The following SOBP variants were observed in gnomAD, a reference collection of about 807,000 sequenced individuals.
The protein encoded by SOBP is sine oculis binding protein homolog.
SOBP carries 4 observed loss-of-function variants against 53.6 expected under a neutral mutation model. That is an observed-to-expected ratio of 0.07 (90% CI 0.04 to 0.17). SOBP has a LOEUF of 0.17. SOBP is among the 10% of genes least tolerant of loss of function. SOBP has a pLI of 1.00. For synonymous variants in SOBP, 584 were observed against 522.6 expected (o/e 1.12, Z -1.60); for missense variants, 1,088 against 1,204.7 (o/e 0.90, Z 1.43).
At chr6:107,506,873 T>C (rs1236348075) in intron 3 of SOBP, among the ~76,000 whole-genome samples, 1 of 151,762 alleles carries the variant, frequency 6.6e-6, no homozygotes, top group Admixed American at 6.6e-5. Context: ...CTGGCCAACA[T>C]GATGAAACCC....
chr6:107,507,335 C>T (rs9486633), intron 3 of SOBP, among the ~76,000 whole-genome samples: 183 of 152,046 alleles, frequency 1.2e-3, no homozygotes, highest in African/African-American at 4.1e-3. Context: ...GACAGAGTTT[C>T]GCTCTTCTCA....
Position 107,633,755 on chromosome 6 carries a change from T to C in SOBP, c.911T>C (p.Leu304Pro), listed in dbSNP as rs1770822153. ...ACTCCAGACTCTTGGAATATCCCGCTAACAGATGCTCGGAGGAAGGCCCCC... is the reference window on the plus strand; with the variant it reads ...ACTCCAGACTCTTGGAATATCCCGCCAACAGATGCTCGGAGGAAGGCCCCC... Reference protein sequence around the residue: ...LLTPDSWNIPLTDARRKAPSP... With the variant: ...LLTPDSWNIPPTDARRKAPSP... Residue 304 changes from leucine to proline, a missense_variant, in exon 6 of 7, where the codon CTA becomes CCA. Transcript: ENST00000317357. The C allele has an allele frequency of 6.2e-7, 1 of 1,614,222 alleles. No homozygotes were observed. Among genetic ancestry groups the C allele is most frequent in the Non-Finnish European group, 8.5e-7 (1 of 1,180,044 alleles).
intron 6 of SOBP, among the ~76,000 whole-genome samples, chr6:107,637,234 AGCACAGCACTTGCTGT>A (rs1391882364): frequency 6.6e-6 from 1 of 152,212 alleles, no homozygotes; most frequent in African/African-American, 2.4e-5. Flanking sequence ...ACAAACGTGG[AGCACAGCACTTGCTGT>A]GGTGTGTCCA....
chr6:107,547,516 G>T (rs1019446815), intron 4 of SOBP, among the ~76,000 whole-genome samples: 18 of 152,252 alleles, frequency 1.2e-4, no homozygotes, highest in South Asian at 4.1e-4. Context: ...TGACACAGAG[G>T]ATTAAATGTG....
At position 107,492,327 on chromosome 6, in the gene SOBP, G is replaced by C. The variant is rs138047510; in HGVS notation, c.96+1615G>C. ...TCATTTTAGGTTGGGGGTGGGGAAG[G>C]GGGAGAGAGGTGAAAGCCACTAGGA... is the stretch of plus-strand genomic sequence containing the variant. On this transcript the variant is annotated intron_variant, in intron 1 of 6. Transcript: ENST00000317357. Among the ~76,000 whole-genome samples the C allele has an allele frequency of 3.7e-3, 557 of 152,256 alleles. 3 individuals carry two copies. The highest frequency in any genetic ancestry group is 9.6e-3 in the African/African-American group (397 of 41,530).
chr6:107,516,915 A>G (rs2114964915), intron 3 of SOBP, among the ~76,000 whole-genome samples: 1 of 152,328 alleles, frequency 6.6e-6, no homozygotes, highest in East Asian at 1.9e-4. Context: ...TTAGAGACTA[A>G]ATATTGTAAA....
At chr6:107,656,317 A>AGAC (rs1562131023) in intron 6 of SOBP, among the ~76,000 whole-genome samples, 99 of 39,516 alleles carry the variant, frequency 2.5e-3, no homozygotes, top group Non-Finnish European at 6.1e-3. Flanking sequence ...GAAAGAAAGA[A>AGAC]AGAAAGAAAG....
intron 3 of SOBP, among the ~76,000 whole-genome samples, chr6:107,527,593 C>A (rs1052962987): frequency 6.6e-6 from 1 of 152,132 alleles, no homozygotes; most frequent in Non-Finnish European, 1.5e-5. Flanking sequence ...CATATTTAAT[C>A]GTATTTGATC....
intron 3 of SOBP, among the ~76,000 whole-genome samples, chr6:107,528,417 A>G (rs6568481): frequency 0.93 from 141,349 of 152,216 alleles, 65,935 homozygotes; most frequent in Non-Finnish European, 0.97. Context: ...GAGAAGGCTG[A>G]CAAGAGTATT....
chr6:107,504,107 C>T (rs1782916350), intron 2 of SOBP, among the ~76,000 whole-genome samples: 1 of 152,200 alleles, frequency 6.6e-6, no homozygotes, highest in African/African-American at 2.4e-5. Context: ...ACTAGAGTTT[C>T]CTGATCACTT....
chr6:107,551,631 G>A (rs544456390), intron 4 of SOBP, among the ~76,000 whole-genome samples: 47 of 152,314 alleles, frequency 3.1e-4, no homozygotes, highest in Middle Eastern at 3.4e-3. Context: ...CAGGGCATAT[G>A]TATTTAAAAC....
chr6:107,531,059 C>A (rs1355767364), intron 3 of SOBP, among the ~76,000 whole-genome samples: 2 of 152,250 alleles, frequency 1.3e-5, no homozygotes, highest in Non-Finnish European at 2.9e-5. Context: ...GTCCAAGCTG[C>A]AAGCTAAGCG....
At chr6:107,647,875 G>C (rs1771627336) in intron 6 of SOBP, among the ~76,000 whole-genome samples, 1 of 152,156 alleles carries the variant, frequency 6.6e-6, no homozygotes, top group South Asian at 2.1e-4. Context: ...GGTTGTGCCT[G>C]AACATCTAGG....
At chr6:107,612,577 G>A (rs1367088347) in intron 5 of SOBP, among the ~76,000 whole-genome samples, 2 of 152,132 alleles carry the variant, frequency 1.3e-5, no homozygotes, top group East Asian at 3.8e-4. Context: ...CCAGGAATCT[G>A]TGGGCTAATT....
At chr6:107,493,085 C>A (rs750208768) in intron 1 of SOBP, among the ~76,000 whole-genome samples, 7 of 151,978 alleles carry the variant, frequency 4.6e-5, no homozygotes, top group Non-Finnish European at 1.0e-4. Flanking sequence ...AAAACCCCTC[C>A]CCAAACATCA....
intron 5 of SOBP, among the ~76,000 whole-genome samples, chr6:107,596,048 C>T (rs1362770371): frequency 5.9e-5 from 9 of 152,148 alleles, no homozygotes; most frequent in Admixed American, 5.9e-4. Context: ...TGCCAGAGTA[C>T]AGTACTCATT....
chr6:107,528,767 G>T (rs1041418581), intron 3 of SOBP, among the ~76,000 whole-genome samples: 1 of 152,214 alleles, frequency 6.6e-6, no homozygotes, highest in Non-Finnish European at 1.5e-5. Flanking sequence ...AGAGAGGTCT[G>T]TGAGGATGGT....
chr6:107,524,386 T>C (rs1361619299), intron 3 of SOBP, among the ~76,000 whole-genome samples: 1 of 152,196 alleles, frequency 6.6e-6, no homozygotes, highest in Non-Finnish European at 1.5e-5. Context: ...ACATCTTAGA[T>C]TGCTCAGAGG....
rs531777834 is a variant in SOBP, at chr6:107,637,187, G to A, written c.*3+1718G>A. 3.3e-5 allele frequency among the ~76,000 whole-genome samples: 5 copies of A among 152,298 alleles called. No homozygotes were observed. The South Asian group carries it at 1.0e-3, about 32-fold the overall frequency. On this transcript the variant is annotated intron_variant, in intron 6 of 6. Transcript: ENST00000317357. ...ATTCTTGTTTCTGCAGCACCAACAA[G>A]CCTAAATTACCAACCCATTACTCCA... is the stretch of plus-strand genomic sequence containing the variant.
Sources: allele counts gnomAD v4.1 joint callset (sites outside exome capture counted in the v4.1 genomes callset), GRCh38; gene constraint gnomAD v4.1.1; transcripts MANE v1.5; gene names NCBI Gene and HGNC (gene_info 2026-07-23, HGNC 2026-07-21).